The following LEMD1 variants were observed in gnomAD, a reference collection of about 807,000 sequenced individuals.
LEMD1 encodes the protein LEM domain containing 1.
A neutral mutation model predicts 17.4 loss-of-function variants in LEMD1; 18 were observed. The observed-to-expected ratio is 1.04, with a 90% CI of 0.72 to 1.54. The LOEUF is 1.54. LEMD1 is among the 40% of genes most tolerant of loss of function. LEMD1 has a pLI of 0.00. For missense variants in LEMD1, 195 were observed against 210.4 expected (o/e 0.93, Z 0.45); for synonymous variants, 88 against 77.8 (o/e 1.13, Z -0.69).
chr1:205,445,832 A>G (rs1666380048), intron 1 of LEMD1, among the ~76,000 whole-genome samples: 1 of 152,210 alleles, frequency 6.6e-6, no homozygotes, highest in African/African-American at 2.4e-5. Context: ...GTCAAACTTT[A>G]GTGTCAAACT....
Position 205,416,285 on chromosome 1 carries a change from T to G in LEMD1, c.217A>C (p.Ile73Leu), listed in dbSNP as rs553703080. The G allele has an allele frequency of 5.5e-5, 85 of 1,547,890 alleles. No individual in the cohort carries two copies. The highest frequency in any genetic ancestry group is 7.2e-5 in the Non-Finnish European group (83 of 1,145,074). ...DSDDSEELNI[I>L]LQGNIILSTE... The stretch of plus-strand genomic sequence containing the variant: ...GAGAGTATGATATTTCCTTGCAAAA[T>G]GATATTAAGCTCTGGATCATGGGAA... The change falls in exon 4 of 6, where the codon ATT (isoleucine) becomes CTT (leucine). Residue 73 changes from isoleucine (I) to leucine (L), a missense_variant. Ile to Leu is a conservative substitution (Grantham distance 5). Transcript: ENST00000367153.
intron 4 of LEMD1, among the ~76,000 whole-genome samples, chr1:205,390,926 C>T (rs971829127): frequency 8.5e-5 from 13 of 152,076 alleles, no homozygotes; most frequent in African/African-American, 2.2e-4. Flanking sequence ...AAAGGGGCAG[C>T]GAGGAAGGCA....
intron 3 of LEMD1, 50 bp downstream of exon 3, chr1:205,419,180 G>A (rs1558734977): frequency 6.2e-7 from 1 of 1,601,166 alleles, no homozygotes; most frequent in Admixed American, 1.7e-5. Context: ...GCTGGACAAG[G>A]TATTAATAAG....
chr1:205,447,000 C>CGG, intron 1 of LEMD1, among the ~76,000 whole-genome samples: 1 of 152,326 alleles, frequency 6.6e-6, no homozygotes, highest in African/African-American at 2.4e-5. Flanking sequence ...AGTTGGGCCA[C>CGG]GGGGCCAATT....
At chr1:205,391,708 C>T (rs1180152217) in intron 4 of LEMD1, among the ~76,000 whole-genome samples, 3 of 152,074 alleles carry the variant, frequency 2.0e-5, no homozygotes, top group Non-Finnish European at 4.4e-5. Flanking sequence ...CCAAGGTGTC[C>T]CCAGTGGGAG....
chr1:205,417,725 A>G (rs766787206), intron 3 of LEMD1, among the ~76,000 whole-genome samples: 27 of 151,876 alleles, frequency 1.8e-4, no homozygotes, highest in Non-Finnish European at 3.5e-4. Flanking sequence ...GCCGCCTCCA[A>G]TGTCGGGATT....
intron 1 of LEMD1, among the ~76,000 whole-genome samples, chr1:205,427,807 A>C (rs982833389): frequency 6.6e-5 from 10 of 152,250 alleles, no homozygotes; most frequent in Non-Finnish European, 1.3e-4. Context: ...GGAAACTCTC[A>C]TGGCTGATAC....
intron 1 of LEMD1, chr1:205,434,887 A>G (rs1666180371): frequency 6.6e-6 from 1 of 152,244 alleles, no homozygotes; most frequent in Admixed American, 6.5e-5. Flanking sequence ...GCAAAGGGAT[A>G]TAATAAAGTC....
chr1:205,444,992 G>C (rs995104707), intron 1 of LEMD1, among the ~76,000 whole-genome samples: 1 of 148,584 alleles, frequency 6.7e-6, no homozygotes, highest in Admixed American at 6.8e-5. Context: ...CCCCCTCCCC[G>C]GCTCCCTTAG....
At chr1:205,407,902 G>A (rs1353273779) in intron 4 of LEMD1, among the ~76,000 whole-genome samples, 2 of 152,158 alleles carry the variant, frequency 1.3e-5, no homozygotes, top group African/African-American at 4.8e-5. Flanking sequence ...TGGTTGGCAT[G>A]AGGAAAAAAA....
intron 4 of LEMD1, among the ~76,000 whole-genome samples, chr1:205,391,424 C>G (rs1309297995): frequency 6.6e-6 from 1 of 151,792 alleles, no homozygotes; most frequent in South Asian, 2.1e-4. Flanking sequence ...CCTGGAAACA[C>G]CAAGGGATGC....
At chr1:205,385,860 G>A (rs1475540670) in intron 4 of LEMD1, 1 of 152,302 alleles carries the variant, frequency 6.6e-6, no homozygotes, top group African/African-American at 2.4e-5. Context: ...TGCAGACAGT[G>A]AGTCAGGAAC....
At chr1:205,402,261 G>C (rs1480912557) in intron 4 of LEMD1, among the ~76,000 whole-genome samples, 1 of 152,120 alleles carries the variant, frequency 6.6e-6, no homozygotes, top group Non-Finnish European at 1.5e-5. Context: ...TAGCTTGATG[G>C]GGATGGCATT....
At position 205,391,535 on chromosome 1, in the gene LEMD1, GC is replaced by G. The variant is rs773327032; in HGVS notation, c.271-7172del. Among the ~76,000 whole-genome samples, 6 of 152,188 alleles carry G rather than the reference GC, an allele frequency of 3.9e-5. No individual in the cohort carries two copies. The East Asian group carries it at 9.6e-4, about 24-fold the overall frequency. On this transcript the variant is annotated intron_variant, in intron 4 of 5. Coordinates refer to ENST00000367153, the MANE Select transcript of LEMD1 (RefSeq NM_001199050.2). The stretch of plus-strand genomic sequence containing the variant: ...TTAACTGCCCTGTGGCAGCCAAACA[GC>G]CCATCTCCGCCCCTACTAGCCAAGA...
chr1:205,382,637 A>C (rs753497453), intron 5 of LEMD1, among the ~76,000 whole-genome samples: 146 of 152,102 alleles, frequency 9.6e-4, no homozygotes, highest in Non-Finnish European at 1.7e-3. Flanking sequence ...ACATTTCTTC[A>C]TTGTTTCCAC....
At chr1:205,438,557 G>A (rs779421824) in intron 1 of LEMD1, among the ~76,000 whole-genome samples, 18 of 152,246 alleles carry the variant, frequency 1.2e-4, no homozygotes, top group Non-Finnish European at 5.9e-5. Flanking sequence ...AAGGAGCAAA[G>A]TCCCCATTTT....
chr1:205,425,899 G>A (rs2102449840), upstream of LEMD1, among the ~76,000 whole-genome samples: 1 of 146,962 alleles, frequency 6.8e-6, no homozygotes, highest in East Asian at 2.1e-4. Flanking sequence ...TTTATATGGA[G>A]TAAGATGTGA....
At chr1:205,394,017 C>T (rs902090519) in intron 4 of LEMD1, among the ~76,000 whole-genome samples, 1 of 152,060 alleles carries the variant, frequency 6.6e-6, no homozygotes, top group African/African-American at 2.4e-5. Context: ...GAATATAATT[C>T]AGCCATAAAA....
intron 4 of LEMD1, among the ~76,000 whole-genome samples, chr1:205,394,127 T>G (rs1300297246): frequency 6.7e-6 from 1 of 148,896 alleles, no homozygotes. Context: ...ACACATTGAA[T>G]GATTCCATTT....
Sources: allele counts gnomAD v4.1 joint callset (sites outside exome capture counted in the v4.1 genomes callset), GRCh38; gene constraint gnomAD v4.1.1; transcripts MANE v1.5; gene names NCBI Gene and HGNC (gene_info 2026-07-23, HGNC 2026-07-21).